The following EPHA6 variants were observed in gnomAD, a reference collection of about 807,000 sequenced individuals.
The protein encoded by EPHA6 is ephrin type-A receptor 6.
A neutral mutation model predicts 112.0 loss-of-function variants in EPHA6; 50 were observed. The observed-to-expected ratio is 0.45, with a 90% confidence interval of 0.36 to 0.56. EPHA6 has a LOEUF of 0.56. Among genes scored for constraint, EPHA6 ranks in the 20% least tolerant of loss-of-function variants. The probability of loss-of-function intolerance (pLI) is 0.00; values close to 1 mark genes in which losing one functional copy is unlikely to be tolerated. For synonymous variants in EPHA6, 529 were observed against 490.7 expected (o/e 1.08, Z -1.03); for missense variants, 1,280 against 1,417.4 (o/e 0.90, Z 1.56).
intron 5 of EPHA6, among the ~76,000 whole-genome samples, chr3:97,327,283 T>C (rs1252028759): frequency 6.6e-6 from 1 of 152,048 alleles, no homozygotes; most frequent in African/African-American, 2.4e-5. Context: ...TTAATTGACA[T>C]TTTTATTGAA....
chr3:97,539,329 G>A (rs537565034), intron 11 of EPHA6, among the ~76,000 whole-genome samples: 6 of 151,480 alleles, frequency 4.0e-5, no homozygotes, highest in African/African-American at 7.3e-5. Flanking sequence ...TGTATTTTTC[G>A]TAGAGATGGG....
chr3:97,192,196 G>A (rs564676911), intron 3 of EPHA6, among the ~76,000 whole-genome samples: 2 of 152,042 alleles, frequency 1.3e-5, no homozygotes, highest in African/African-American at 4.8e-5. Context: ...GAGTGCAGTG[G>A]CATGATCTCA....
chr3:97,184,677 C>T (rs1205941176), intron 3 of EPHA6, among the ~76,000 whole-genome samples: 1 of 152,124 alleles, frequency 6.6e-6, no homozygotes, highest in Non-Finnish European at 1.5e-5. Context: ...CCCCATCAAG[C>T]TACCAATGAC....
At position 97,596,451 on chromosome 3, in the gene EPHA6, G is replaced by T. The variant is rs115029674; in HGVS notation, c.2512+3714G>T. ...ACACAAACGATAGGAGAATAATAAA[G>T]CATTAAAAATAAAATTCTACATTAA... On this transcript the variant is annotated intron_variant, in intron 12 of 17. Coordinates refer to ENST00000389672, the MANE Select transcript of EPHA6 (RefSeq NM_001080448.3). 3.3e-3 allele frequency among the ~76,000 whole-genome samples: 500 copies of T among 152,006 alleles called. 3 individuals carry two copies. The highest frequency in any genetic ancestry group is 0.011 in the African/African-American group (441 of 41,476).
rs759465434 is a variant in EPHA6 at position 97,592,673 on chromosome 3, A to C, written c.2448A>C (p.Leu816Phe). The change falls in exon 12 of 18, where the codon TTA becomes TTC. Residue 816 changes from leucine (L) to phenylalanine (F), a missense_variant. Physicochemically the swap from Leu to Phe is conservative, Grantham distance 22 (BLOSUM62 0). Around this residue, in one of 4 missense-constraint regions of EPHA6, gnomAD observed 878 missense variants for 999.7 expected, o/e 0.88. Coordinates refer to ENST00000389672, the MANE Select transcript of EPHA6 (RefSeq NM_001080448.3). ...CCAGCTTCCTGAGGGCAGGGTTTTT[A>C]AATAGCATCCAGGCCCCGCATCCAG... ...FCPSFLRAGFLNSIQAPHPVP... is the reference protein window; with the variant it reads ...FCPSFLRAGFFNSIQAPHPVP... The C allele has an allele frequency of 1.0e-4, 161 of 1,613,066 alleles. 4 individuals carry two copies. The South Asian group carries it at 1.7e-3, about 17-fold the overall frequency.
At chr3:97,320,816 C>CAAAAAAAAAAAA (rs1294813082) in intron 5 of EPHA6, among the ~76,000 whole-genome samples, 1 of 93,994 alleles carries the variant, frequency 1.1e-5, no homozygotes, top group Non-Finnish European at 2.1e-5. Context: ...TCTCTGGGGG[C>CAAAAAAAAAAAA]AAAAAATAAA....
chr3:96,984,215 G>C (rs931870811), intron 2 of EPHA6, among the ~76,000 whole-genome samples: 2 of 151,992 alleles, frequency 1.3e-5, no homozygotes, highest in Non-Finnish European at 2.9e-5. Flanking sequence ...TGATGGTGAC[G>C]TGCAGATGGG....
At chr3:97,132,957 A>G (rs2075672290) in intron 3 of EPHA6, among the ~76,000 whole-genome samples, 1 of 152,070 alleles carries the variant, frequency 6.6e-6, no homozygotes, top group Non-Finnish European at 1.5e-5. Context: ...ACTCAAGGTA[A>G]CGTTTTACTC....
intron 14 of EPHA6, among the ~76,000 whole-genome samples, chr3:97,698,049 C>G (rs2107727614): frequency 6.6e-6 from 1 of 152,330 alleles, no homozygotes; most frequent in East Asian, 1.9e-4. Flanking sequence ...GTTGCCCAGG[C>G]TGGAGTGCAG....
At chr3:97,026,475 T>C (rs1015496513) in intron 3 of EPHA6, among the ~76,000 whole-genome samples, 1 of 152,172 alleles carries the variant, frequency 6.6e-6, no homozygotes, top group Non-Finnish European at 1.5e-5. Context: ...CTTTCACCTT[T>C]TGACTTAGCC....
chr3:97,414,376 T>A (rs1218832008), intron 6 of EPHA6, among the ~76,000 whole-genome samples: 1 of 152,088 alleles, frequency 6.6e-6, no homozygotes, highest in Non-Finnish European at 1.5e-5. Flanking sequence ...AGAAAGGAAT[T>A]TCTTTTAGAA....
chr3:97,042,576 T>G (rs1028064507), intron 3 of EPHA6, among the ~76,000 whole-genome samples: 1 of 152,170 alleles, frequency 6.6e-6, no homozygotes, highest in African/African-American at 2.4e-5. Context: ...TTGCTAATAT[T>G]TGTTACACAT....
chr3:97,109,449 G>A (rs1326748680), intron 3 of EPHA6, among the ~76,000 whole-genome samples: 1 of 152,110 alleles, frequency 6.6e-6, no homozygotes, highest in Non-Finnish European at 1.5e-5. Flanking sequence ...TACTTGCATG[G>A]GAAGGAGAGT....
At chr3:97,270,442 AT>A (rs1211693170) in intron 5 of EPHA6, among the ~76,000 whole-genome samples, 5 of 152,234 alleles carry the variant, frequency 3.3e-5, no homozygotes, top group South Asian at 2.1e-4. Context: ...CTTGCCAAAA[AT>A]TAATGATATG....
At chr3:96,892,954 A>ATGTGTGTGTGTGTG (rs144428670) in intron 2 of EPHA6, among the ~76,000 whole-genome samples, 1 of 132,324 alleles carries the variant, frequency 7.6e-6, no homozygotes, top group African/African-American at 2.7e-5. Context: ...ATATATATAT[A>ATGTGTGTGTGTGTG]TGTGTGTGTG....
intron 5 of EPHA6, among the ~76,000 whole-genome samples, chr3:97,290,167 T>C (rs2080625909): frequency 6.6e-6 from 1 of 152,162 alleles, no homozygotes; most frequent in Non-Finnish European, 1.5e-5. Context: ...GGTTTTCATT[T>C]ATTTCAAAGA....
chr3:97,574,129 G>A lies in EPHA6; in HGVS notation c.2387-18483G>A, dbSNP rs147215459. 7.9e-3 allele frequency among the ~76,000 whole-genome samples: 1,195 copies of A among 151,922 alleles called. 7 individuals are homozygous for A. The highest frequency in any genetic ancestry group is 0.025 in the African/African-American group (1,054 of 41,478). On this transcript the variant is annotated intron_variant, in intron 11 of 17. Transcript: ENST00000389672. The stretch of plus-strand genomic sequence containing the variant: ...CTCAAAAGAAAGTTTTTATTTCATT[G>A]GTTTGAGAAAAAATTGTAATTTCTT...
At chr3:97,342,225 T>TA (rs979271007) in intron 5 of EPHA6, among the ~76,000 whole-genome samples, 1 of 152,186 alleles carries the variant, frequency 6.6e-6, no homozygotes, top group African/African-American at 2.4e-5. Context: ...TATTTTTAAG[T>TA]AAAAAATACC....
At chr3:97,354,996 T>C (rs1577070733) in intron 5 of EPHA6, among the ~76,000 whole-genome samples, 1 of 152,130 alleles carries the variant, frequency 6.6e-6, no homozygotes, top group East Asian at 1.9e-4. Flanking sequence ...CCCTTTATCC[T>C]GGAATCTAGT....
Sources: allele counts gnomAD v4.1 joint callset (sites outside exome capture counted in the v4.1 genomes callset), GRCh38; gene constraint gnomAD v4.1.1; regional missense constraint gnomAD v4.1.1; transcripts MANE v1.5; gene names NCBI Gene and HGNC (gene_info 2026-07-23, HGNC 2026-07-21).